Variants in MS4A3 observed in about 807,000 individuals in gnomAD.
MS4A3 encodes the protein membrane spanning 4-domains A3.
A neutral mutation model predicts 24.7 loss-of-function variants in MS4A3; 18 were observed. The ratio of observed to expected loss-of-function variants is 0.73; its 90% confidence interval spans 0.50 to 1.08. The LOEUF is 1.08. MS4A3 is among the 50% of genes least tolerant of loss of function. MS4A3 has a pLI of 0.00. For synonymous variants in MS4A3, 84 were observed against 95.3 expected, an observed-to-expected ratio of 0.88 and a Z score of 0.69; for missense variants, 282 against 251.7, an observed-to-expected ratio of 1.12 and a Z score of -0.82.
At chr11:60,065,943 C>G (rs1855354606) in intron 4 of MS4A3, among the ~76,000 whole-genome samples, 1 of 152,152 alleles carries the variant, frequency 6.6e-6, no homozygotes. Flanking sequence ...TGCCCACAAC[C>G]CTGAAATAAG....
intron 2 of MS4A3, among the ~76,000 whole-genome samples, chr11:60,061,738 A>G (rs771684731): frequency 7.9e-5 from 12 of 152,218 alleles, no homozygotes; most frequent in Non-Finnish European, 1.6e-4. Context: ...ACGTGGATTT[A>G]CCACCATGAA....
At chr11:60,066,532 G>C (rs72916646) in intron 4 of MS4A3, among the ~76,000 whole-genome samples, 7,405 of 152,068 alleles carry the variant, frequency 0.049, 260 homozygotes, top group African/African-American at 0.093. Context: ...TCAGGATTTT[G>C]AGTGTTTCCC....
At chr11:60,063,544 A>T (rs1855311692) in intron 3 of MS4A3, among the ~76,000 whole-genome samples, 1 of 152,178 alleles carries the variant, frequency 6.6e-6, no homozygotes. Context: ...GGTTCATTGC[A>T]GATTCTGGAT....
At position 60,064,323 on chromosome 11, in the gene MS4A3, G is replaced by GT; in HGVS notation, c.351+6dup. On this transcript the variant is annotated splice_donor_region_variant and intron_variant, in intron 4 of 6. Coordinates refer to ENST00000278865, the MANE Select transcript of MS4A3 (RefSeq NM_006138.5). ...ATAAAACCCACAAGAACATGGGTAA[G>GT]TAGCACTTCCTCTTTTTCTATGATC... 6.3e-7 allele frequency: 1 copy of GT among 1,595,304 alleles called. No homozygotes were observed. Among genetic ancestry groups the GT allele is most frequent in the South Asian group, 1.1e-5 (1 of 88,564 alleles).
intron 1 of MS4A3, 130 bp downstream of exon 1, chr11:60,056,870 C>A (rs1855177820): frequency 1.3e-5 from 2 of 152,310 alleles, no homozygotes; most frequent in African/African-American, 4.8e-5. Context: ...GAACATTTAA[C>A]TGTGAACATG....
chr11:60,069,794 G>A, intron 6 of MS4A3, 119 bp downstream of exon 6: 1 of 794,950 alleles, frequency 1.3e-6, no homozygotes, highest in Non-Finnish European at 2.1e-6. Flanking sequence ...GGAGTTCCTG[G>A]AATTAGAGAT....
chr11:60,069,464 T>C (rs1330770865), intron 5 of MS4A3, 110 bp from the exon 6 acceptor site: 1 of 704,718 alleles, frequency 1.4e-6, no homozygotes, highest in Non-Finnish European at 2.5e-6. Context: ...ATGGTTCACT[T>C]TGTTCCACTT....
At chr11:60,068,187 A>G (rs927754598) in intron 5 of MS4A3, among the ~76,000 whole-genome samples, 6 of 152,064 alleles carry the variant, frequency 3.9e-5, no homozygotes, top group African/African-American at 1.2e-4. Flanking sequence ...ACTGCGCTTT[A>G]GAATGAAATT....
intron 4 of MS4A3, among the ~76,000 whole-genome samples, chr11:60,065,696 G>A (rs780551841): frequency 1.3e-5 from 2 of 152,086 alleles, no homozygotes; most frequent in Non-Finnish European, 2.9e-5. Flanking sequence ...ATAGTTAGTC[G>A]CCCACTCCTC....
At chr11:60,069,394 T>G in intron 5 of MS4A3, 180 bp from the exon 6 acceptor site, 2 of 466,320 alleles carry the variant, frequency 4.3e-6, no homozygotes, top group Non-Finnish European at 7.6e-6. Context: ...AATGTTTTCA[T>G]GCTTTTAGAT....
Position 60,061,224 on chromosome 11 carries a change from A to G in MS4A3, c.64A>G (p.Ser22Gly). The change falls in exon 2 of 7, where the codon AGT becomes GGT. Residue 22 changes from serine to glycine, a missense_variant. Coordinates refer to ENST00000278865, the MANE Select transcript of MS4A3 (RefSeq NM_006138.5). ...GSASAHGTPGSEAGPEELNTS... is the reference protein window; with the variant it reads ...GSASAHGTPGGEAGPEELNTS... ...AGCCTCTGCCCATGGTACCCCAGGC[A>G]GTGAGGCGGGACCAGAAGAGCTGAA... 1 of 1,613,674 alleles carries G rather than the reference A, an allele frequency of 6.2e-7. No individual in the cohort carries two copies. Among genetic ancestry groups the G allele is most frequent in the Non-Finnish European group, 8.5e-7 (1 of 1,179,806 alleles).
At chr11:60,057,435 C>T (rs868553509) in intron 1 of MS4A3, among the ~76,000 whole-genome samples, 3 of 152,158 alleles carry the variant, frequency 2.0e-5, no homozygotes, top group East Asian at 1.9e-4. Flanking sequence ...GACAGAGTCT[C>T]GCTCTGTCAC....
At chr11:60,062,305 A>G (rs984407369) in intron 2 of MS4A3, among the ~76,000 whole-genome samples, 163 bp from the exon 3 acceptor site, 3 of 152,224 alleles carry the variant, frequency 2.0e-5, no homozygotes, top group Admixed American at 6.5e-5. Context: ...ATAGCGTGGA[A>G]TAAAAAACTC....
chr11:60,067,133 T>G, intron 5 of MS4A3, 21 bp downstream of exon 5: 7 of 1,567,024 alleles, frequency 4.5e-6, no homozygotes, highest in Non-Finnish European at 6.1e-6. Context: ...GAAAAATATG[T>G]ATAAGTATAA....
chr11:60,058,614 A>G (rs1264958388), intron 1 of MS4A3, among the ~76,000 whole-genome samples: 1 of 147,172 alleles, frequency 6.8e-6, no homozygotes, highest in Non-Finnish European at 1.5e-5. Context: ...AATGGGGGAT[A>G]GCACAGAGGA....
intron 1 of MS4A3, among the ~76,000 whole-genome samples, chr11:60,057,428 A>G (rs1206778736): frequency 2.0e-5 from 3 of 152,050 alleles, no homozygotes; most frequent in Non-Finnish European, 4.4e-5. Context: ...AGAGAGAGAC[A>G]GAGTCTCGCT....
intron 2 of MS4A3, 110 bp from the exon 3 acceptor site, chr11:60,062,358 T>C: frequency 7.5e-7 from 1 of 1,332,032 alleles, no homozygotes; most frequent in Non-Finnish European, 1.1e-6. Context: ...CTTGACACTT[T>C]AACCATTTCA....
In MS4A3 at chr11:60,069,583, T is replaced by A. The variant is rs1342033639; in HGVS notation, c.523T>A (p.Ser175Thr). 6.2e-7 allele frequency: 1 copy of A among 1,611,748 alleles called. No homozygotes were observed. Among genetic ancestry groups the A allele is most frequent in the Non-Finnish European group, 8.5e-7 (1 of 1,178,318 alleles). The change falls in exon 6 of 7, where the codon TCT (serine) becomes ACT (threonine). Residue 175 changes from serine (S) to threonine (T), a missense_variant. Physicochemically the swap from Ser to Thr is moderately conservative, Grantham distance 58. Coordinates refer to ENST00000278865, the MANE Select transcript of MS4A3 (RefSeq NM_006138.5). ...YMGSISNGMV[S>T]LLLILTLLEL... is the part of the protein sequence containing the mutation. Reference sequence around the variant, plus strand: ...GCATCATATCCCCTAGGGCATGGTGTCTCTACTGCTGATTCTCACCTTGCT... The same window carrying A: ...GCATCATATCCCCTAGGGCATGGTGACTCTACTGCTGATTCTCACCTTGCT...
chr11:60,068,591 T>C (rs1855416568), intron 5 of MS4A3, among the ~76,000 whole-genome samples: 1 of 152,088 alleles, frequency 6.6e-6, no homozygotes, highest in African/African-American at 2.4e-5. Flanking sequence ...TCAGGTACTC[T>C]ACCTCTTCTG....
Sources: allele counts gnomAD v4.1 joint callset (sites outside exome capture counted in the v4.1 genomes callset), GRCh38; gene constraint gnomAD v4.1.1; transcripts MANE v1.5; gene names NCBI Gene and HGNC (gene_info 2026-07-23, HGNC 2026-07-21).